HTRA1: variants seen among roughly 807,000 people sequenced by gnomAD.
HTRA1 encodes the protein HtrA serine peptidase 1, also known as serine protease HTRA1.
HTRA1 carries 26 observed loss-of-function variants against 49.7 expected under a neutral mutation model. The observed-to-expected ratio is 0.52, with a 90% CI of 0.38 to 0.73. The LOEUF (loss-of-function observed/expected upper bound fraction) is 0.73, where lower values mean the gene tolerates loss of function less well. Ranked by LOEUF, HTRA1 falls within the 30% of genes least tolerant of loss-of-function variation. The pLI is 0.00. For synonymous variants in HTRA1, 291 were observed against 286.9 expected, an observed-to-expected ratio of 1.01 and a Z score of -0.14; for missense variants, 561 against 667.2, an observed-to-expected ratio of 0.84 and a Z score of 1.75.
At chr10:122,472,594 C>T (rs1182301561) in intron 1 of HTRA1, among the ~76,000 whole-genome samples, 1 of 152,010 alleles carries the variant, frequency 6.6e-6, no homozygotes, top group Non-Finnish European at 1.5e-5. Context: ...ACAGTTTCGC[C>T]ATGTTGGCCA....
At chr10:122,483,854 A>T (rs868332275) in intron 1 of HTRA1, among the ~76,000 whole-genome samples, 5 of 152,342 alleles carry the variant, frequency 3.3e-5, no homozygotes, top group Middle Eastern at 6.8e-3. Context: ...GTTATATTTT[A>T]AAAATTTTGA....
chr10:122,498,103 G>C (rs567105944), intron 3 of HTRA1, among the ~76,000 whole-genome samples: 22 of 152,180 alleles, frequency 1.4e-4, no homozygotes, highest in African/African-American at 4.3e-4. Flanking sequence ...AAACACCGAG[G>C]AGGAAAGTCT....
chr10:122,481,771 C>T lies in HTRA1; in HGVS notation c.473-7131C>T, dbSNP rs75528720. Among the ~76,000 whole-genome samples the T allele has an allele frequency of 6.7e-3, 1,016 of 152,280 alleles. 3 individuals are homozygous for T. Among genetic ancestry groups the T allele is most frequent in the Non-Finnish European group, 9.5e-3 (643 of 68,036 alleles). On this transcript the variant is annotated intron_variant, in intron 1 of 8. Coordinates refer to ENST00000368984, the MANE Select transcript of HTRA1 (RefSeq NM_002775.5). ...TTGAATCATGGGGGCAGATCTTTCCCGCACTGTTCTCATGATAGTGAATAA... is the reference window on the plus strand; with the variant it reads ...TTGAATCATGGGGGCAGATCTTTCCTGCACTGTTCTCATGATAGTGAATAA...
At position 122,487,138 on chromosome 10, in the gene HTRA1, A is replaced by G. The variant is rs188975838; in HGVS notation, c.473-1764A>G. 1.3e-5 allele frequency among the ~76,000 whole-genome samples: 2 copies of G among 152,334 alleles called. No individual in the cohort carries two copies. Among genetic ancestry groups the G allele is most frequent in the Non-Finnish European group, 2.9e-5 (2 of 68,038 alleles). ...CATAAGATTACCATGTGAAATTGCT[A>G]TGAAAGTTTCCGAAAGCTTCCTGTC... On this transcript the variant is annotated intron_variant, in intron 1 of 8. Transcript: ENST00000368984. The surrounding 1 kb of genome is among the most constrained non-coding windows in gnomAD (Gnocchi z 4.8).
At chr10:122,485,567 CT>C (rs1355654124) in intron 1 of HTRA1, among the ~76,000 whole-genome samples, 2 of 152,218 alleles carry the variant, frequency 1.3e-5, no homozygotes, top group African/African-American at 4.8e-5. Context: ...GCTCAGTGGA[CT>C]GAGGCTGGAA....
At chr10:122,492,102 G>C (rs2097496127) in intron 3 of HTRA1, among the ~76,000 whole-genome samples, 1 of 152,088 alleles carries the variant, frequency 6.6e-6, no homozygotes, top group African/African-American at 2.4e-5. Flanking sequence ...AGAACCAGCA[G>C]AAACTGTGCT....
chr10:122,495,792 G>A lies in HTRA1; in HGVS notation c.777+6166G>A, dbSNP rs181784168. ...AATGTCTCCTGTCCTCTTCATTGAG[G>A]GGGGAATACAAATTGCTTCCATTTG... is the stretch of plus-strand genomic sequence containing the variant. On this transcript the variant is annotated intron_variant, in intron 3 of 8. Coordinates refer to ENST00000368984, the MANE Select transcript of HTRA1 (RefSeq NM_002775.5). Among the ~76,000 whole-genome samples, 19 of 152,290 alleles carry A rather than the reference G, an allele frequency of 1.2e-4. No individual in the cohort carries two copies. The East Asian group carries it at 3.5e-3, about 28-fold the overall frequency.
At chr10:122,496,312 G>A (rs2097498758) in intron 3 of HTRA1, among the ~76,000 whole-genome samples, 1 of 118,734 alleles carries the variant, frequency 8.4e-6, no homozygotes, top group East Asian at 2.9e-4. Context: ...CCTTATTTTT[G>A]TCTATTTCTC....
chr10:122,505,426 C>T (rs886981157), intron 3 of HTRA1, among the ~76,000 whole-genome samples: 1 of 152,138 alleles, frequency 6.6e-6, no homozygotes, highest in African/African-American at 2.4e-5. Context: ...TGTGGTGTGG[C>T]GTGGCACTGT....
At chr10:122,482,606 C>T (rs2133433816) in intron 1 of HTRA1, among the ~76,000 whole-genome samples, 1 of 152,194 alleles carries the variant, frequency 6.6e-6, no homozygotes, top group Middle Eastern at 3.4e-3. Flanking sequence ...ATGAAAGAAG[C>T]ATACATTTTG....
intron 3 of HTRA1, among the ~76,000 whole-genome samples, chr10:122,501,361 C>T (rs2097500781): frequency 6.6e-6 from 1 of 152,166 alleles, no homozygotes; most frequent in African/African-American, 2.4e-5. Context: ...CCTGCTCCAC[C>T]CTGCCAAACA....
rs2097503158 is a variant in HTRA1, at chr10:122,506,592, A to G, written c.778-99A>G. The G allele has an allele frequency of 9.6e-7, 1 of 1,045,928 alleles. No individual in the cohort carries two copies. The highest frequency in any genetic ancestry group is 1.3e-5 in the South Asian group (1 of 78,416). The allele number at this position is 1,045,928 out of a possible 1,614,324, so 64.8% of individuals were successfully genotyped here. ...CCCACCGGGCCTGGTGTTTCCAAAT[A>G]GCCCGTCACTGTCCCTGCTTGGTTT... On this transcript the variant is annotated intron_variant, in intron 3 of 8. Coordinates refer to ENST00000368984, the MANE Select transcript of HTRA1 (RefSeq NM_002775.5). The surrounding 1 kb of genome is among the most constrained non-coding windows in gnomAD (Gnocchi z 5.2).
intron 3 of HTRA1, among the ~76,000 whole-genome samples, chr10:122,498,897 G>A (rs2097499787): frequency 6.6e-6 from 1 of 152,128 alleles, no homozygotes. Flanking sequence ...CCAGTCCCTG[G>A]TCCCCTGAGA....
intron 5 of HTRA1, among the ~76,000 whole-genome samples, chr10:122,507,980 G>C (rs1274784242): frequency 2.0e-5 from 3 of 152,096 alleles, no homozygotes; most frequent in Non-Finnish European, 4.4e-5. Flanking sequence ...TTTATAGAGG[G>C]CAGCTCTGGG....
intron 1 of HTRA1, among the ~76,000 whole-genome samples, chr10:122,470,734 T>C (rs1310734953): frequency 6.6e-6 from 1 of 152,054 alleles, no homozygotes; most frequent in Non-Finnish European, 1.5e-5. Context: ...TCCTAAAGCA[T>C]TGAAGCTGTA....
chr10:122,509,160 C>T (rs2097504450), intron 6 of HTRA1, among the ~76,000 whole-genome samples: 1 of 152,166 alleles, frequency 6.6e-6, no homozygotes, highest in South Asian at 2.1e-4. Context: ...CCCATCTGCT[C>T]TAAGTCAAGC....
intron 8 of HTRA1, among the ~76,000 whole-genome samples, chr10:122,513,028 T>A (rs56295725): frequency 0.071 from 10,781 of 152,288 alleles, 506 homozygotes; most frequent in East Asian, 0.2. Flanking sequence ...GTGTCCACTG[T>A]AATTTGGTTT....
intron 1 of HTRA1, among the ~76,000 whole-genome samples, chr10:122,471,234 G>T (rs2672592): frequency 0.35 from 52,692 of 151,896 alleles, 9,411 homozygotes; most frequent in East Asian, 0.45. Flanking sequence ...GTGTGGTTTA[G>T]CCCCACTGGA....
intron 7 of HTRA1, 144 bp downstream of exon 7, chr10:122,510,297 G>A (rs2097505028): frequency 1.3e-6 from 1 of 748,502 alleles, no homozygotes; most frequent in African/African-American, 1.7e-5. Flanking sequence ...CATCGGGAAA[G>A]AGGACAGGTC....
Sources: allele counts gnomAD v4.1 joint callset (sites outside exome capture counted in the v4.1 genomes callset), GRCh38; gene constraint gnomAD v4.1.1; non-coding constraint Gnocchi (gnomAD v3.1); transcripts MANE v1.5; gene names NCBI Gene and HGNC (gene_info 2026-07-23, HGNC 2026-07-21).